SNTG1: variants seen among roughly 807,000 people sequenced by gnomAD.
The protein encoded by SNTG1 is gamma-1-syntrophin.
Under a neutral mutation model 74.7 loss-of-function variants are expected in SNTG1, and 39 were observed. That is an observed-to-expected ratio of 0.52 (90% CI 0.40 to 0.68). The LOEUF is 0.68. Ranked by LOEUF, SNTG1 falls within the 30% of genes least tolerant of loss-of-function variation. The pLI is 0.00. For synonymous variants in SNTG1, 254 were observed against 217.1 expected, an observed-to-expected ratio of 1.17 and a Z score of -1.49; for missense variants, 685 against 609.5, an observed-to-expected ratio of 1.12 and a Z score of -1.30.
chr8:50,609,198 C>T (rs761294475), intron 13 of SNTG1, among the ~76,000 whole-genome samples: 9 of 151,988 alleles, frequency 5.9e-5, no homozygotes, highest in African/African-American at 1.7e-4. Context: ...CTCACACTGT[C>T]GGACTTCGTT....
chr8:49,942,126 G>A (rs534794531), intron 1 of SNTG1, among the ~76,000 whole-genome samples: 60 of 152,134 alleles, frequency 3.9e-4, no homozygotes, highest in Non-Finnish European at 6.8e-4. Context: ...GTAGAGAGGA[G>A]TAAAGGTAAT....
Position 50,454,082 on chromosome 8 carries a change from T to C in SNTG1, c.363+3353T>C, listed in dbSNP as rs2093480400. Among the ~76,000 whole-genome samples, 6 of 152,224 alleles carry C rather than the reference T, an allele frequency of 3.9e-5. No homozygotes were observed. The South Asian group carries it at 1.2e-3, about 31-fold the overall frequency. On this transcript the variant is annotated intron_variant, in intron 8 of 18. Coordinates refer to ENST00000642720, the MANE Select transcript of SNTG1 (RefSeq NM_018967.5). ...AAATGATCTATTGCCACTACTGATG[T>C]TAATTAACACTGATGCTATTCTCCT...
At chr8:50,722,115 T>A (rs2095489072) in intron 17 of SNTG1, among the ~76,000 whole-genome samples, 1 of 151,846 alleles carries the variant, frequency 6.6e-6, no homozygotes, top group Non-Finnish European at 1.5e-5. Context: ...ACATTGTATG[T>A]ATGTATATAT....
At chr8:50,134,424 A>C (rs2081407164) in intron 1 of SNTG1, among the ~76,000 whole-genome samples, 1 of 152,134 alleles carries the variant, frequency 6.6e-6, no homozygotes, top group Non-Finnish European at 1.5e-5. Flanking sequence ...AGGGAATGTA[A>C]TTGCTGAACC....
intron 13 of SNTG1, among the ~76,000 whole-genome samples, chr8:50,604,901 A>G (rs78159268): frequency 0.051 from 7,730 of 152,254 alleles, 367 homozygotes; most frequent in African/African-American, 0.12. Context: ...AGGCCATGGC[A>G]TACGAACAAG....
chr8:50,059,502 A>G (rs1194491824), intron 1 of SNTG1, among the ~76,000 whole-genome samples: 1 of 152,082 alleles, frequency 6.6e-6, no homozygotes, highest in Non-Finnish European at 1.5e-5. Context: ...CCTCCCATTT[A>G]TCCAATTCCT....
At chr8:50,526,790 A>G (rs2094223748) in intron 9 of SNTG1, among the ~76,000 whole-genome samples, 1 of 151,960 alleles carries the variant, frequency 6.6e-6, no homozygotes, top group Non-Finnish European at 1.5e-5. Flanking sequence ...CACCAGGCTA[A>G]TTTTTGTATT....
At chr8:50,131,049 T>A (rs1023520359) in intron 1 of SNTG1, among the ~76,000 whole-genome samples, 18 of 151,296 alleles carry the variant, frequency 1.2e-4, no homozygotes, top group Non-Finnish European at 2.5e-4. Flanking sequence ...AAACAGCATG[T>A]TTAATTTCAA....
chr8:50,294,890 T>C (rs2089292026), intron 2 of SNTG1, among the ~76,000 whole-genome samples: 1 of 152,170 alleles, frequency 6.6e-6, no homozygotes, highest in Non-Finnish European at 1.5e-5. Flanking sequence ...GTGGTTCAGA[T>C]GGCCACTGTC....
intron 2 of SNTG1, among the ~76,000 whole-genome samples, chr8:50,297,935 G>T (rs2089465998): frequency 6.6e-6 from 1 of 150,478 alleles, no homozygotes; most frequent in South Asian, 2.1e-4. Context: ...ATTACATAGA[G>T]AAAAATAGAA....
At chr8:50,664,353 G>T (rs2095240280) in intron 15 of SNTG1, among the ~76,000 whole-genome samples, 1 of 152,042 alleles carries the variant, frequency 6.6e-6, no homozygotes, top group East Asian at 1.9e-4. Context: ...ATAAAATTAG[G>T]CATGAAAGTG....
intron 1 of SNTG1, among the ~76,000 whole-genome samples, chr8:50,158,764 T>C (rs1408019570): frequency 1.3e-5 from 2 of 152,186 alleles, no homozygotes; most frequent in African/African-American, 2.4e-5. Context: ...ATGATAAAGA[T>C]GCTTTGGTGA....
At chr8:50,658,925 C>T (rs971795463) in intron 15 of SNTG1, among the ~76,000 whole-genome samples, 2 of 152,170 alleles carry the variant, frequency 1.3e-5, no homozygotes, top group African/African-American at 4.8e-5. Context: ...CAGGGAGAAG[C>T]TCCTCAGGAG....
intron 15 of SNTG1, among the ~76,000 whole-genome samples, chr8:50,703,779 C>T (rs190824033): frequency 2.6e-5 from 4 of 152,192 alleles, no homozygotes; most frequent in Admixed American, 2.0e-4. Flanking sequence ...GACATTACAA[C>T]GGCTATGACA....
chr8:50,008,717 C>G (rs1815485178), intron 1 of SNTG1, among the ~76,000 whole-genome samples: 1 of 152,110 alleles, frequency 6.6e-6, no homozygotes, highest in Non-Finnish European at 1.5e-5. Context: ...TACAGCTTGT[C>G]TCAGTTAATC....
chr8:50,418,812 C>T lies in SNTG1; in HGVS notation c.162+16468C>T, dbSNP rs540469068. On this transcript the variant is annotated intron_variant, in intron 4 of 18. Coordinates refer to ENST00000642720, the MANE Select transcript of SNTG1 (RefSeq NM_018967.5). ...AATGGATATGTCATCTTTCCAGCTG[C>T]ATTAGGCAGAATCCCTGGAATCTCT... Among the ~76,000 whole-genome samples the T allele has an allele frequency of 3.3e-5, 5 of 152,236 alleles. No individual in the cohort carries two copies. The East Asian group carries it at 9.7e-4, about 29-fold the overall frequency.
chr8:50,270,060 TG>T (rs1470255840), intron 2 of SNTG1, among the ~76,000 whole-genome samples: 2 of 152,154 alleles, frequency 1.3e-5, no homozygotes, highest in South Asian at 2.1e-4. Flanking sequence ...AAGTTAGTAA[TG>T]GGGTAACTTC....
intron 9 of SNTG1, among the ~76,000 whole-genome samples, chr8:50,514,582 CA>C (rs1465586720): frequency 2.0e-5 from 3 of 152,022 alleles, no homozygotes; most frequent in Non-Finnish European, 4.4e-5. Flanking sequence ...TCCATTGTAT[CA>C]GAAAAGATAT....
chr8:50,407,378 G>A (rs966847960), intron 4 of SNTG1, among the ~76,000 whole-genome samples: 1 of 152,182 alleles, frequency 6.6e-6, no homozygotes, highest in African/African-American at 2.4e-5. Flanking sequence ...AGTCCTGGGT[G>A]GAAAATAGAA....
Sources: gnomAD v4.1 joint callset for allele counts (sites outside exome capture counted in the v4.1 genomes callset) on GRCh38, gnomAD v4.1.1 for gene constraint, MANE v1.5 for transcripts, NCBI Gene and HGNC (gene_info 2026-07-23, HGNC 2026-07-21) for gene names.